Variants in FABP12 observed in about 807,000 individuals in gnomAD.
FABP12 encodes the protein fatty acid binding protein 12.
In FABP12, 19 loss-of-function variants were observed where a neutral mutation model predicts 13.7. The ratio of observed to expected loss-of-function variants is 1.39; its 90% confidence interval spans 0.97 to 2.04. The LOEUF is 2.04. Among genes scored for constraint, FABP12 ranks in the 30% most tolerant of loss-of-function variants. The pLI is 0.00. For synonymous variants in FABP12, 61 were observed against 57.0 expected (o/e 1.07, Z -0.32); for missense variants, 182 against 164.2 (o/e 1.11, Z -0.59).
At chr8:81,544,231 CAGAAATGTGTTCTTTAGA>C in intron 1 of FABP12, among the ~76,000 whole-genome samples, 1 of 152,320 alleles carries the variant, frequency 6.6e-6, no homozygotes, top group African/African-American at 2.4e-5. Flanking sequence ...CTTATGGCAA[CAGAAATGTGTTCTTTAGA>C]AGCTCTGGAG....
intron 1 of FABP12, among the ~76,000 whole-genome samples, chr8:81,551,833 G>T (rs112263531): frequency 1.3e-5 from 2 of 152,150 alleles, no homozygotes; most frequent in African/African-American, 2.4e-5. Context: ...TGTTAGAGAG[G>T]CCTAATAGTT....
At chr8:81,544,562 G>A (rs774197726) in intron 1 of FABP12, among the ~76,000 whole-genome samples, 65 of 152,084 alleles carry the variant, frequency 4.3e-4, no homozygotes, top group Non-Finnish European at 8.8e-4. Flanking sequence ...ATTACTGAGG[G>A]AGAGTGATCA....
intron 1 of FABP12, among the ~76,000 whole-genome samples, chr8:81,588,829 G>A (rs553924885): frequency 5.3e-5 from 8 of 152,188 alleles, no homozygotes; most frequent in East Asian, 1.9e-4. Flanking sequence ...AACACCACAG[G>A]AGGAGAAACA....
upstream of FABP12, among the ~76,000 whole-genome samples, chr8:81,534,369 C>A (rs1327448188): frequency 6.6e-6 from 1 of 152,154 alleles, no homozygotes; most frequent in Non-Finnish European, 1.5e-5. Context: ...CAAAGAGTCC[C>A]ACAAGAATTT....
At chr8:81,587,278 T>C (rs1169205712) in intron 1 of FABP12, among the ~76,000 whole-genome samples, 2 of 152,228 alleles carry the variant, frequency 1.3e-5, no homozygotes, top group Non-Finnish European at 2.9e-5. Flanking sequence ...CTATTCAGAC[T>C]CTTTTTTAGT....
intron 1 of FABP12, among the ~76,000 whole-genome samples, chr8:81,547,550 G>A (rs1809454114): frequency 6.6e-6 from 1 of 152,196 alleles, no homozygotes; most frequent in Non-Finnish European, 1.5e-5. Context: ...AATAATTGCA[G>A]CATATCCTGT....
At chr8:81,582,694 C>T (rs1403669982) in intron 1 of FABP12, among the ~76,000 whole-genome samples, 1 of 151,916 alleles carries the variant, frequency 6.6e-6, no homozygotes, top group East Asian at 1.9e-4. Context: ...CACTGAGGAT[C>T]CAGATATATA....
chr8:81,560,344 T>C (rs1471798706), intron 1 of FABP12, among the ~76,000 whole-genome samples: 1 of 152,242 alleles, frequency 6.6e-6, no homozygotes, highest in Non-Finnish European at 1.5e-5. Context: ...CAAGAGAAGA[T>C]GCTGGAACAA....
intron 1 of FABP12, among the ~76,000 whole-genome samples, chr8:81,559,375 C>G (rs1406852915): frequency 1.3e-5 from 2 of 152,186 alleles, no homozygotes; most frequent in African/African-American, 2.4e-5. Context: ...ACAGTGGTGC[C>G]TTGGAAAATG....
At chr8:81,541,640 G>C (rs1048824923) in intron 1 of FABP12, among the ~76,000 whole-genome samples, 2 of 152,034 alleles carry the variant, frequency 1.3e-5, no homozygotes, top group Non-Finnish European at 2.9e-5. Context: ...CTTACTCTGT[G>C]CCTGTGGACC....
chr8:81,578,823 G>GTTTTTTTTTT (rs763089399), intron 1 of FABP12, among the ~76,000 whole-genome samples: 8 of 105,656 alleles, frequency 7.6e-5, no homozygotes, highest in African/African-American at 3.3e-4. Flanking sequence ...ATTTGTTCAA[G>GTTTTTTTTTT]TTTTTTTTTT....
At chr8:81,545,769 G>A (rs1204530910) in intron 1 of FABP12, among the ~76,000 whole-genome samples, 1 of 152,154 alleles carries the variant, frequency 6.6e-6, no homozygotes, top group East Asian at 1.9e-4. Flanking sequence ...TGGACTTAAA[G>A]GACTATATTA....
intron 1 of FABP12, among the ~76,000 whole-genome samples, chr8:81,544,036 G>T (rs59845200): frequency 6.6e-6 from 1 of 152,136 alleles, no homozygotes; most frequent in Non-Finnish European, 1.5e-5. Flanking sequence ...AGAAAAATAC[G>T]TGGTGGTCTG....
chr8:81,574,721 T>C (rs1266824641), intron 1 of FABP12, among the ~76,000 whole-genome samples: 1 of 152,174 alleles, frequency 6.6e-6, no homozygotes, highest in Non-Finnish European at 1.5e-5. Context: ...TTCTAGGTTT[T>C]CTAGTTTATG....
At chr8:81,526,933 C>G in intron 4 of FABP12, 87 bp downstream of exon 4, 2 of 715,984 alleles carry the variant, frequency 2.8e-6, no homozygotes, top group Non-Finnish European at 4.7e-6. Flanking sequence ...AGGAAAATGG[C>G]ATTCATTTTC....
intron 1 of FABP12, among the ~76,000 whole-genome samples, chr8:81,552,990 G>C (rs2130019105): frequency 6.6e-6 from 1 of 152,298 alleles, no homozygotes; most frequent in Non-Finnish European, 1.5e-5. Flanking sequence ...GAGAACTCAG[G>C]AGAAAGTTCG....
intron 1 of FABP12, among the ~76,000 whole-genome samples, chr8:81,588,916 A>C (rs1328878595): frequency 1.3e-5 from 2 of 152,176 alleles, no homozygotes; most frequent in Non-Finnish European, 2.9e-5. Context: ...CAAACTTAGA[A>C]GTGAATCACG....
intron 1 of FABP12, among the ~76,000 whole-genome samples, chr8:81,543,908 AAGAG>A (rs1409566390): frequency 1.3e-5 from 2 of 152,104 alleles, no homozygotes; most frequent in East Asian, 3.9e-4. Context: ...TTTTATAGGA[AAGAG>A]AGAGAGACAG....
At chr8:81,569,988 T>C (rs180935280) in intron 1 of FABP12, among the ~76,000 whole-genome samples, 95 of 152,336 alleles carry the variant, frequency 6.2e-4, no homozygotes, top group Middle Eastern at 3.4e-3. Flanking sequence ...GAGTCAGGCA[T>C]GGAGCTGCAA....
Sources: gnomAD v4.1 joint callset for allele counts (sites outside exome capture counted in the v4.1 genomes callset) on GRCh38, gnomAD v4.1.1 for gene constraint, MANE v1.5 for transcripts, NCBI Gene and HGNC (gene_info 2026-07-23, HGNC 2026-07-21) for gene names.